Variants in CACNA1S observed in about 807,000 individuals in gnomAD.
The protein encoded by CACNA1S is voltage-dependent L-type calcium channel subunit alpha-1S.
Under a neutral mutation model 207.4 loss-of-function variants are expected in CACNA1S, and 126 were observed. That is an observed-to-expected ratio of 0.61 (90% CI 0.53 to 0.70). CACNA1S has a LOEUF of 0.70. Among genes scored for constraint, CACNA1S ranks in the 30% least tolerant of loss-of-function variants. The probability of loss-of-function intolerance (pLI) is 0.00; values close to 1 mark genes in which losing one functional copy is unlikely to be tolerated. For synonymous variants in CACNA1S, 960 were observed against 932.7 expected (o/e 1.03, Z -0.53); for missense variants, 2,349 against 2,422.8 (o/e 0.97, Z 0.64).
At chr1:201,064,464 G>T (rs1661174870) in intron 22 of CACNA1S, among the ~76,000 whole-genome samples, 1 of 152,226 alleles carries the variant, frequency 6.6e-6, no homozygotes, top group Non-Finnish European at 1.5e-5. Flanking sequence ...CCTCAGCGAG[G>T]ATTTGGCTTG....
chr1:201,066,401 C>T lies in CACNA1S; in HGVS notation c.2658-85G>A, dbSNP rs1231992663. ...GGTGGAGCCTCCAGCCATATCCTGC[C>T]CTCCACACCAGCTGCCTTTCTGCCT... On this transcript the variant is annotated intron_variant, in intron 20 of 43. Transcript: ENST00000362061. This position sits in a 1 kb window ranked among gnomAD's most constrained non-coding sequence, Gnocchi z 4.3. The T allele has an allele frequency of 2.6e-5, 29 of 1,132,046 alleles. No individual in the cohort carries two copies. Among genetic ancestry groups the T allele is most frequent in the Non-Finnish European group, 3.9e-5 (29 of 753,052 alleles). The allele number at this position is 1,132,046 out of a possible 1,614,324, so 70.1% of individuals were successfully genotyped here.
intron 3 of CACNA1S, among the ~76,000 whole-genome samples, chr1:201,092,730 G>T (rs72751107): frequency 6.6e-6 from 1 of 152,174 alleles, no homozygotes; most frequent in Non-Finnish European, 1.5e-5. Flanking sequence ...TATTCTGTAC[G>T]CATTTGTCTT....
intron 36 of CACNA1S, among the ~76,000 whole-genome samples, chr1:201,048,225 C>G (rs566748546): frequency 6.6e-6 from 1 of 152,200 alleles, no homozygotes; most frequent in Non-Finnish European, 1.5e-5. Flanking sequence ...TTAGTGGAGT[C>G]GAATGTGGAC....
chr1:201,112,099 C>G, intron 1 of CACNA1S, 89 bp downstream of exon 1: 3 of 1,373,448 alleles, frequency 2.2e-6, no homozygotes, highest in East Asian at 2.3e-5. Context: ...CTCCCTGGCC[C>G]TCCTGTAGGA....
chr1:201,053,368 C>A lies in CACNA1S; in HGVS notation c.3795+91G>T. On this transcript the variant is annotated intron_variant, in intron 30 of 43. Transcript: ENST00000362061. This position sits in a 1 kb window ranked among gnomAD's most constrained non-coding sequence, Gnocchi z 5.1. ...GTTAGCTCCCCAGGGCTCTGCCTTGCCCAGGGCTCCCCTGGGGCCCACCCT... is the reference window on the plus strand; with the variant it reads ...GTTAGCTCCCCAGGGCTCTGCCTTGACCAGGGCTCCCCTGGGGCCCACCCT... The A allele has an allele frequency of 6.2e-7, 1 of 1,611,396 alleles. No individual in the cohort carries two copies. The highest frequency in any genetic ancestry group is 8.5e-7 in the Non-Finnish European group (1 of 1,177,858).
rs77277032 is a variant in CACNA1S, at chr1:201,085,070, C to A, written c.1151-39G>T. 4 of 1,476,448 alleles carry A rather than the reference C, an allele frequency of 2.7e-6. No homozygotes were observed. The South Asian group carries it at 3.4e-5, about 13-fold the overall frequency. The allele number at this position is 1,476,448 out of a possible 1,614,324, so 91.5% of individuals were successfully genotyped here. ...AGAAAGAGTCAGCCAGCCTTCGGGGCCCCTCTGGGCTGGACACACCTGGAC... is the reference window on the plus strand; with the variant it reads ...AGAAAGAGTCAGCCAGCCTTCGGGGACCCTCTGGGCTGGACACACCTGGAC... On this transcript the variant is annotated intron_variant, in intron 8 of 43. Transcript: ENST00000362061.
intron 5 of CACNA1S, among the ~76,000 whole-genome samples, chr1:201,090,665 G>A (rs956874484): frequency 6.6e-6 from 1 of 152,070 alleles, no homozygotes; most frequent in Admixed American, 6.5e-5. Flanking sequence ...TCAGAGTGTC[G>A]GCCTGACCAA....
intron 8 of CACNA1S, among the ~76,000 whole-genome samples, 171 bp downstream of exon 8, chr1:201,085,265 A>T (rs1006740765): frequency 2.0e-5 from 3 of 152,116 alleles, no homozygotes; most frequent in Non-Finnish European, 2.9e-5. Flanking sequence ...CTTTGGGAAG[A>T]GCTCTGGTCA....
chr1:201,074,464 G>T, intron 14 of CACNA1S, 42 bp downstream of exon 14: 1 of 1,297,840 alleles, frequency 7.7e-7, no homozygotes, highest in Non-Finnish European at 1.1e-6. Context: ...CCATGGCCAC[G>T]ACTGAGCACT....
chr1:201,059,203 C>T lies in CACNA1S; in HGVS notation c.3511G>A (p.Ala1171Thr), dbSNP rs1660956402. The part of the protein sequence containing the change: ...FTLEMILKLM[A>T]FKARGYFGDP... ...CCCACACTCACCCTGGCCTTGAAGG[C>T]CATGAGCTTGAGGATCATCTCCAGG... Residue 1171 changes from alanine to threonine, a missense_variant, in exon 27 of 44, where the codon GCC becomes ACC. Physicochemically the swap from Ala to Thr is moderately conservative, Grantham distance 58 (BLOSUM62 0). Transcript: ENST00000362061. 2 of 1,612,538 alleles carry T rather than the reference C, an allele frequency of 1.2e-6. No homozygotes were observed. The highest frequency in any genetic ancestry group is 4.5e-5 in the East Asian group (2 of 44,864).
At chr1:201,093,356 G>A (rs954453325) in intron 3 of CACNA1S, among the ~76,000 whole-genome samples, 1 of 152,206 alleles carries the variant, frequency 6.6e-6, no homozygotes, top group African/African-American at 2.4e-5. Flanking sequence ...ACCCAAACCT[G>A]CCAGCATCTT....
Position 201,062,023 on chromosome 1 carries a change from G to C in CACNA1S, c.2974C>G (p.His992Asp), listed in dbSNP as rs527520015. 2.7e-5 allele frequency: 43 copies of C among 1,614,194 alleles called. No homozygotes were observed. The South Asian group carries it at 4.7e-4, about 18-fold the overall frequency. ...ACATTGTCGAAGTGGAAGTCGCTGTGTACCCACTCGCGGTGACGCAGCTCT... is the reference window on the plus strand; with the variant it reads ...ACATTGTCGAAGTGGAAGTCGCTGTCTACCCACTCGCGGTGACGCAGCTCT... ...QIELRHREWV[H>D]SDFHFDNVLS... The change falls in exon 24 of 44, where the codon CAC becomes GAC. Residue 992 changes from histidine (H) to aspartate (D), a missense_variant. Coordinates refer to ENST00000362061, the MANE Select transcript of CACNA1S (RefSeq NM_000069.3).
chr1:201,043,949 T>C (rs1660386201), intron 39 of CACNA1S, among the ~76,000 whole-genome samples: 2 of 152,114 alleles, frequency 1.3e-5, no homozygotes, highest in Admixed American at 1.3e-4. Flanking sequence ...ATTAAAGACC[T>C]TCCAGCAATA....
In CACNA1S at chr1:201,044,386, G is replaced by A; in HGVS notation, c.4739C>T (p.Ala1580Val). 6.2e-7 allele frequency: 1 copy of A among 1,613,542 alleles called. No homozygotes were observed. The highest frequency in any genetic ancestry group is 1.3e-5 in the African/African-American group (1 of 74,892). ...CATGGCTCTCTCCAGCTCCTCCTCA[G>A]CAGCCAGGTCTCCTGAGACCGTGCG... is the stretch of plus-strand genomic sequence containing the variant. Reference protein sequence around the residue: ...ICRTVSGDLAAEEELERAMVE... With the variant: ...ICRTVSGDLAVEEELERAMVE... Residue 1580 changes from alanine (A) to valine (V), a missense_variant, in exon 39 of 44, where the codon GCT (alanine) becomes GTT (valine). Transcript: ENST00000362061.
chr1:201,109,118 GGC>G (rs796214246), intron 2 of CACNA1S, among the ~76,000 whole-genome samples: 12 of 152,228 alleles, frequency 7.9e-5, no homozygotes, highest in African/African-American at 2.9e-4. Context: ...CATGGTGGCA[GGC>G]GCCTGTAATC....
chr1:201,044,390 C>T lies in CACNA1S; in HGVS notation c.4735G>A (p.Ala1579Thr). 6.2e-7 allele frequency: 1 copy of T among 1,613,822 alleles called. No homozygotes were observed. The highest frequency in any genetic ancestry group is 1.1e-5 in the South Asian group (1 of 91,066). The stretch of plus-strand genomic sequence containing the variant: ...GCTCTCTCCAGCTCCTCCTCAGCAG[C>T]CAGGTCTCCTGAGACCGTGCGACAG... ...EICRTVSGDL[A>T]AEEELERAMV... The change falls in exon 39 of 44, where the codon GCT (alanine) becomes ACT (threonine). Residue 1579 changes from alanine (A) to threonine (T), a missense_variant. Coordinates refer to ENST00000362061, the MANE Select transcript of CACNA1S (RefSeq NM_000069.3).
Position 201,061,952 on chromosome 1 carries a change from T to A in CACNA1S, c.3045A>T (p.Gly1015=), listed in dbSNP as rs778375672. The A allele has an allele frequency of 6.2e-7, 1 of 1,614,186 alleles. No individual in the cohort carries two copies. Among genetic ancestry groups the A allele is most frequent in the South Asian group, 1.1e-5 (1 of 91,086 alleles). ...CCCCAGCCATCACTCACTGAGGCCA[T>A]CCCTCGAAGGTGGAGACCGTGAAGA... ...MSLFTVSTFE[G]WPQLLYKAID... Residue 1015 remains glycine (G), a synonymous_variant, in exon 24 of 44, where the codon GGA becomes GGT. Coordinates refer to ENST00000362061, the MANE Select transcript of CACNA1S (RefSeq NM_000069.3).
chr1:201,095,345 T>C lies in CACNA1S; in HGVS notation c.259-1324A>G, dbSNP rs150128114. Among the ~76,000 whole-genome samples the C allele has an allele frequency of 1.8e-3, 276 of 152,204 alleles. 1 individual carries two copies. The highest frequency in any genetic ancestry group is 6.5e-3 in the African/African-American group (269 of 41,544). On this transcript the variant is annotated intron_variant, in intron 2 of 43. Transcript: ENST00000362061. ...CTCCTGGGACCAGGGGCCCACCCCA[T>C]CAGCACACTGCGGAGGCGTCATTCA...
chr1:201,046,423 C>T (rs1055914785), intron 38 of CACNA1S, among the ~76,000 whole-genome samples: 23 of 150,486 alleles, frequency 1.5e-4, no homozygotes, highest in East Asian at 6.0e-4. Context: ...TCAAGTGATC[C>T]GCCCTTCTTG....
Sources: gnomAD v4.1 joint callset for allele counts (sites outside exome capture counted in the v4.1 genomes callset) on GRCh38, gnomAD v4.1.1 for gene constraint, Gnocchi (gnomAD v3.1) non-coding constraint, MANE v1.5 for transcripts, NCBI Gene and HGNC (gene_info 2026-07-23, HGNC 2026-07-21) for gene names.